Variants in PCDHA1 observed in about 807,000 individuals in gnomAD.
PCDHA1 encodes protocadherin alpha-1.
Under a neutral mutation model 61.3 loss-of-function variants are expected in PCDHA1, and 42 were observed. That is an observed-to-expected ratio of 0.69 (90% CI 0.54 to 0.89). The LOEUF (loss-of-function observed/expected upper bound fraction) is 0.89, where lower values mean the gene tolerates loss of function less well. Ranked by LOEUF, PCDHA1 falls within the 40% of genes least tolerant of loss-of-function variation. The probability of loss-of-function intolerance (pLI) is 0.00; values close to 1 mark genes in which losing one functional copy is unlikely to be tolerated. For synonymous variants in PCDHA1, 610 were observed against 553.8 expected, an observed-to-expected ratio of 1.10 and a Z score of -1.43; for missense variants, 1,256 against 1,235.3, an observed-to-expected ratio of 1.02 and a Z score of -0.25.
intron 1 of PCDHA1, chr5:140,795,178 G>T (rs200571163): frequency 6.2e-7 from 1 of 1,613,966 alleles, no homozygotes. Flanking sequence ...CAAAAGACAC[G>T]GGGACCTTCT....
chr5:140,991,837 C>T (rs1379982421), intron 3 of PCDHA1, among the ~76,000 whole-genome samples: 3 of 152,158 alleles, frequency 2.0e-5, no homozygotes, highest in African/African-American at 7.2e-5. Context: ...ACGGCAGAAC[C>T]GCACTTCCAG....
At chr5:140,947,896 G>A (rs1355775996) in intron 1 of PCDHA1, among the ~76,000 whole-genome samples, 5 of 151,478 alleles carry the variant, frequency 3.3e-5, no homozygotes, top group Non-Finnish European at 7.4e-5. Context: ...AACAGAAGTG[G>A]TGAGAGCAGA....
chr5:140,856,872 A>G (rs1554149238), intron 1 of PCDHA1: 1 of 1,596,142 alleles, frequency 6.3e-7, no homozygotes, highest in South Asian at 1.1e-5. Flanking sequence ...ATAAACAAGG[A>G]AATGATGTAT....
chr5:140,867,479 A>G (rs1308433664), intron 1 of PCDHA1: 1 of 152,158 alleles, frequency 6.6e-6, no homozygotes, highest in Non-Finnish European at 1.5e-5. Context: ...TTGGGAAAAG[A>G]GTAAATATGA....
At chr5:140,801,118 G>T in intron 1 of PCDHA1, 1 of 1,515,660 alleles carries the variant, frequency 6.6e-7, no homozygotes, top group Non-Finnish European at 8.8e-7. Flanking sequence ...AGGAGTTTAA[G>T]AAATGAAGAT....
intron 1 of PCDHA1, among the ~76,000 whole-genome samples, chr5:140,899,694 T>G (rs961067519): frequency 2.0e-5 from 3 of 152,236 alleles, no homozygotes; most frequent in African/African-American, 4.8e-5. Flanking sequence ...GCTGGCCTCA[T>G]AAAATGAGTT....
chr5:140,915,328 A>G (rs1554196854), intron 1 of PCDHA1, among the ~76,000 whole-genome samples: 1 of 152,100 alleles, frequency 6.6e-6, no homozygotes. Context: ...CAGTGTTATA[A>G]TATTCTGTGT....
intron 1 of PCDHA1, chr5:140,877,641 C>A: frequency 6.2e-7 from 1 of 1,613,592 alleles, no homozygotes; most frequent in Non-Finnish European, 8.5e-7. Flanking sequence ...CGCTGCGTTG[C>A]TCAGCGCCGC....
chr5:140,822,516 T>G, intron 1 of PCDHA1: 1 of 1,613,966 alleles, frequency 6.2e-7, no homozygotes, highest in Non-Finnish European at 8.5e-7. Flanking sequence ...CCATTTATAA[T>G]GTCAGATTGT....
intron 1 of PCDHA1, chr5:140,883,514 G>A: frequency 6.2e-7 from 1 of 1,614,220 alleles, no homozygotes; most frequent in Non-Finnish European, 8.5e-7. Context: ...CCTGGACCGC[G>A]AGAGCGTATC....
chr5:140,856,717 A>G (rs947466965), intron 1 of PCDHA1: 1 of 1,596,480 alleles, frequency 6.3e-7, no homozygotes, highest in Non-Finnish European at 8.6e-7. Context: ...AATTTACCGG[A>G]TCTGTTTCTC....
chr5:140,840,271 T>A (rs2150305298), intron 1 of PCDHA1, among the ~76,000 whole-genome samples: 3 of 152,098 alleles, frequency 2.0e-5, no homozygotes, highest in Non-Finnish European at 4.4e-5. Flanking sequence ...TTTTAATGAT[T>A]TGGGTTTTGG....
chr5:140,941,214 C>CTTCCTTTCTTTCTTTCTTT (rs1554214039), intron 1 of PCDHA1, among the ~76,000 whole-genome samples: 1 of 122,414 alleles, frequency 8.2e-6, no homozygotes, highest in Non-Finnish European at 1.7e-5. Context: ...TTTCTTTCTT[C>CTTCCTTTCTTTCTTTCTTT]CTTTCTTTCT....
chr5:140,995,047 C>G (rs1174630120), intron 3 of PCDHA1, among the ~76,000 whole-genome samples: 2 of 152,158 alleles, frequency 1.3e-5, no homozygotes, highest in Admixed American at 1.3e-4. Context: ...CTTAACTCTA[C>G]TGAATTTTCA....
Position 140,843,785 on chromosome 5 carries a change from A to G in PCDHA1, c.2394+55101A>G. 2 of 1,419,854 alleles carry G rather than the reference A, an allele frequency of 1.4e-6. 1 individual carries two copies. Among genetic ancestry groups the G allele is most frequent in the South Asian group, 2.6e-5 (2 of 76,630 alleles). The allele number at this position is 1,419,854 out of a possible 1,614,324, so 88.0% of individuals were successfully genotyped here. ...ATTGTAGTTACTTTAAAAGTGTTTCAGATTTAGTTTTTCACCGTATTTTAT... is the reference window on the plus strand; with the variant it reads ...ATTGTAGTTACTTTAAAAGTGTTTCGGATTTAGTTTTTCACCGTATTTTAT... On this transcript the variant is annotated intron_variant, in intron 1 of 3. Coordinates refer to ENST00000504120, the MANE Select transcript of PCDHA1 (RefSeq NM_018900.4).
At position 140,857,606 on chromosome 5, in the gene PCDHA1, C is replaced by T. The variant is rs565842920; in HGVS notation, c.2394+68922C>T. The T allele has an allele frequency of 1.2e-4, 191 of 1,596,384 alleles. 13 individuals are homozygous for T. The South Asian group carries it at 2.1e-3, about 17-fold the overall frequency. ...GGAGAGCGGCAAGGTGTACGCGCTG[C>T]AGCCGCTGGACCACGAGGAGCTGGA... On this transcript the variant is annotated intron_variant, in intron 1 of 3. Coordinates refer to ENST00000504120, the MANE Select transcript of PCDHA1 (RefSeq NM_018900.4).
At chr5:140,829,999 C>G in intron 1 of PCDHA1, 1 of 1,613,998 alleles carries the variant, frequency 6.2e-7, no homozygotes, top group Non-Finnish European at 8.5e-7. Context: ...CCACTCGTGT[C>G]CTGGACGAAG....
intron 1 of PCDHA1, chr5:140,866,026 C>T (rs1273078600): frequency 7.9e-5 from 12 of 151,914 alleles, no homozygotes; most frequent in Admixed American, 4.6e-4. Context: ...TGTAAGAGTT[C>T]GTGATCATCA....
chr5:140,812,579 C>T (rs2150030409), intron 1 of PCDHA1: 1 of 151,040 alleles, frequency 6.6e-6, no homozygotes, highest in East Asian at 2.0e-4. Flanking sequence ...TGAGATCTTT[C>T]TTCTTTCTTC....
Sources: allele counts gnomAD v4.1 joint callset (sites outside exome capture counted in the v4.1 genomes callset), GRCh38; gene constraint gnomAD v4.1.1; transcripts MANE v1.5; gene names NCBI Gene and HGNC (gene_info 2026-07-23, HGNC 2026-07-21).